APEX2: variants seen among roughly 807,000 people sequenced by gnomAD.
The protein encoded by APEX2 is DNA-(apurinic or apyrimidinic site) endonuclease 2.
Under a neutral mutation model 16.7 loss-of-function variants are expected in APEX2, and 4 were observed. The ratio of observed to expected loss-of-function variants is 0.24; its 90% CI spans 0.12 to 0.55. APEX2 has a LOEUF of 0.55. Among genes scored for constraint, APEX2 ranks in the 20% least tolerant of loss-of-function variants. The probability of loss-of-function intolerance (pLI) is 0.94; values close to 1 mark genes in which losing one functional copy is unlikely to be tolerated. For synonymous variants in APEX2, 181 were observed against 166.9 expected (o/e 1.08, Z -0.65); for missense variants, 357 against 433.6 (o/e 0.82, Z 1.57).
Position 55,003,081 on chromosome X carries a change from G to A in APEX2, c.542G>A (p.Arg181Gln). The part of the protein sequence containing the change: ...KMRFYRLLQI[R>Q]AEALLAAGSH... ...CGCTTCTATCGTTTGCTGCAAATCCGAGCAGAAGCCCTCCTGGCGGCAGGC... is the reference window on the plus strand; with the variant it reads ...CGCTTCTATCGTTTGCTGCAAATCCAAGCAGAAGCCCTCCTGGCGGCAGGC... Residue 181 changes from arginine (R) to glutamine (Q), a missense_variant, in exon 4 of 6, where the codon CGA becomes CAA. Coordinates refer to ENST00000374987, the MANE Select transcript of APEX2 (RefSeq NM_014481.4). 1 of 1,211,996 alleles carries A rather than the reference G, an allele frequency of 8.3e-7. No individual in the cohort carries two copies. Among genetic ancestry groups the A allele is most frequent in the East Asian group, 3.0e-5 (1 of 33,846 alleles).
At chrX:55,006,140 G>A (rs779063256) in intron 5 of APEX2, among the ~76,000 whole-genome samples, 28 of 107,302 alleles carry the variant, frequency 2.6e-4, no homozygotes, top group Admixed American at 9.3e-4. Flanking sequence ...GGAAGAAGCT[G>A]ACAGTCTTCC....
chrX:55,005,764 A>G (rs28382692), intron 5 of APEX2, among the ~76,000 whole-genome samples: 1 of 110,347 alleles, frequency 9.1e-6, no homozygotes, highest in Non-Finnish European at 1.9e-5. Flanking sequence ...CCACAGGCCC[A>G]GCACAGAGAC....
intron 1 of APEX2, 70 bp downstream of exon 1, chrX:55,000,649 G>A: frequency 9.2e-7 from 1 of 1,082,586 alleles, no homozygotes; most frequent in Admixed American, 3.3e-5. Flanking sequence ...CCTGTCCCAT[G>A]TAATTTTACT....
At chrX:55,002,186 TG>T in intron 2 of APEX2, 64 bp from the exon 3 acceptor site, 1 of 1,020,967 alleles carries the variant, frequency 9.8e-7, no homozygotes, top group Non-Finnish European at 1.3e-6. Context: ...ACAATTGGAG[TG>T]GGACAGGCTG....
chrX:55,008,476 CAGG>C lies in APEX2; in HGVS notation c.*1044_*1046del, dbSNP rs1357856776. 19 of 110,011 alleles carry C rather than the reference CAGG, an allele frequency of 1.7e-4. No homozygotes were observed. Among genetic ancestry groups the C allele is most frequent in the African/African-American group, 6.3e-4 (19 of 30,113 alleles). 9.1% of individuals were successfully genotyped at this position (110,011 alleles called of 1,213,427 possible). ...ATCCAAGCTACTTAGGAGGCTGAGA[CAGG>C]AGAATAGCTTGTACCTGGGAGGCGG... On this transcript the variant is annotated 3_prime_UTR_variant, in exon 6 of 6. Coordinates refer to ENST00000374987, the MANE Select transcript of APEX2 (RefSeq NM_014481.4).
Position 55,007,311 on chromosome X carries a change from T to C in APEX2, c.1433T>C (p.Met478Thr). 8.3e-7 allele frequency: 1 copy of C among 1,211,622 alleles called. No homozygotes were observed. Among genetic ancestry groups the C allele is most frequent in the South Asian group, 1.8e-5 (1 of 56,931 alleles). The stretch of plus-strand genomic sequence containing the variant: ...GGGGGCCACAGGGAGCCATGTGTGA[T>C]GCGTACTGTGAAGAAGCCAGGACCC... ...LCGGHREPCVMRTVKKPGPNL... is the reference protein window; with the variant it reads ...LCGGHREPCVTRTVKKPGPNL... The change falls in exon 6 of 6, where the codon ATG (methionine) becomes ACG (threonine). Residue 478 changes from methionine to threonine, a missense_variant. Coordinates refer to ENST00000374987, the MANE Select transcript of APEX2 (RefSeq NM_014481.4).
intron 1 of APEX2, among the ~76,000 whole-genome samples, chrX:55,001,286 C>T (rs1188400013): frequency 9.1e-6 from 1 of 110,434 alleles, no homozygotes; most frequent in Non-Finnish European, 1.9e-5. Context: ...CTGATTCTTT[C>T]CCCTTCCCAC....
intron 3 of APEX2, among the ~76,000 whole-genome samples, chrX:55,002,632 A>G (rs938138913): frequency 1.6e-4 from 18 of 111,795 alleles, no homozygotes; most frequent in Non-Finnish European, 2.6e-4. Context: ...TTCCATCTCT[A>G]CAATGTGGGG....
At position 55,003,127 on chromosome X, in the gene APEX2, G is replaced by A; in HGVS notation, c.569+19G>A. On this transcript the variant is annotated intron_variant, in intron 4 of 5. Coordinates refer to ENST00000374987, the MANE Select transcript of APEX2 (RefSeq NM_014481.4). ...CAGGCAGGTACTGCAAGCCTGGGCA[G>A]TAAGGCTTCCTTGAGTTGGTCCTGG... 8.3e-7 allele frequency: 1 copy of A among 1,208,636 alleles called. No individual in the cohort carries two copies. The highest frequency in any genetic ancestry group is 1.1e-6 in the Non-Finnish European group (1 of 893,752).
chrX:55,007,400 C>T lies in APEX2; in HGVS notation c.1522C>T (p.Arg508Trp), dbSNP rs1431275706. The change falls in exon 6 of 6, where the codon CGG (arginine) becomes TGG (tryptophan). Residue 508 changes from arginine to tryptophan, a missense_variant. Coordinates refer to ENST00000374987, the MANE Select transcript of APEX2 (RefSeq NM_014481.4). ...PRGPPTDPSS[R>W]CNFFLWSRPS is the part of the protein sequence containing the mutation. ...GGGTCCTCCCACTGACCCCTCCTCC[C>T]GGTGCAACTTCTTCCTCTGGAGCAG... The T allele has an allele frequency of 8.5e-6, 10 of 1,176,813 alleles. No individual in the cohort carries two copies. Among genetic ancestry groups the T allele is most frequent in the South Asian group, 3.9e-5 (2 of 51,056 alleles).
In APEX2 at chrX:55,007,340, T is replaced by G. The variant is rs762393472; in HGVS notation, c.1462T>G (p.Leu488Val). 14 of 1,206,861 alleles carry G rather than the reference T, an allele frequency of 1.2e-5. No homozygotes were observed. Among genetic ancestry groups the G allele is most frequent in the Non-Finnish European group, 1.5e-5 (13 of 892,263 alleles). Reference sequence around the variant, plus strand: ...TACTGTGAAGAAGCCAGGACCCAACTTGGGCCGCCGCTTCTACATGTGTGC... The same window carrying G: ...TACTGTGAAGAAGCCAGGACCCAACGTGGGCCGCCGCTTCTACATGTGTGC... ...MRTVKKPGPN[L>V]GRRFYMCARP... The change falls in exon 6 of 6, where the codon TTG becomes GTG. Residue 488 changes from leucine (L) to valine (V), a missense_variant. Physicochemically the swap from Leu to Val is conservative, Grantham distance 32. Transcript: ENST00000374987.
At position 55,007,468 on chromosome X, in the gene APEX2, C is replaced by T. The variant is rs747457409; in HGVS notation, c.*33C>T. ...GAGGCCTGGGGACATCTGGCATGGT[C>T]ACCCCTGCACATGATCTGAGGCCAG... On this transcript the variant is annotated 3_prime_UTR_variant, in exon 6 of 6. Transcript: ENST00000374987. The T allele has an allele frequency of 2.8e-5, 31 of 1,105,982 alleles. No homozygotes were observed. Among genetic ancestry groups the T allele is most frequent in the Non-Finnish European group, 3.7e-5 (31 of 840,809 alleles). 91.1% of individuals were successfully genotyped at this position (1,105,982 alleles called of 1,213,427 possible).
Position 55,007,137 on chromosome X carries a change from C to T in APEX2, c.1259C>T (p.Ala420Val), listed in dbSNP as rs752987294. The change falls in exon 6 of 6, where the codon GCC becomes GTC. Residue 420 changes from alanine to valine, a missense_variant. Ala to Val is a moderately conservative substitution (Grantham distance 64). Transcript: ENST00000374987. ...IELPSLPLMS[A>V]LMTPKTPEEK... ...CTGCCTAGCCTACCACTGATGAGCGCCCTCATGACCCCGAAGACTCCAGAA... is the reference window on the plus strand; with the variant it reads ...CTGCCTAGCCTACCACTGATGAGCGTCCTCATGACCCCGAAGACTCCAGAA... The T allele has an allele frequency of 3.3e-6, 4 of 1,211,680 alleles. No homozygotes were observed. The highest frequency in any genetic ancestry group is 4.5e-6 in the Non-Finnish European group (4 of 895,525).
Position 55,003,800 on chromosome X carries a change from C to T in APEX2, c.571C>T (p.His191Tyr). 1 of 1,209,928 alleles carries T rather than the reference C, an allele frequency of 8.3e-7. No homozygotes were observed. Among genetic ancestry groups the T allele is most frequent in the Non-Finnish European group, 1.1e-6 (1 of 894,065 alleles). Residue 191 changes from histidine (H) to tyrosine (Y), a missense_variant and splice_region_variant, in exon 5 of 6, where the codon CAT (histidine) becomes TAT (tyrosine). His to Tyr is a moderately conservative substitution (Grantham distance 83, BLOSUM62 2). Transcript: ENST00000374987. ...ACAATCCCACATTGTGTTTTTCAGC[C>T]ATGTGATCATTCTGGGTGACCTGAA... ...RAEALLAAGS[H>Y]VIILGDLNTA...
At chrX:55,003,285 C>T (rs1935467545) in intron 4 of APEX2, among the ~76,000 whole-genome samples, 177 bp downstream of exon 4, 1 of 112,910 alleles carries the variant, frequency 8.9e-6, no homozygotes, top group African/African-American at 3.2e-5. Context: ...GGGTTTTGTA[C>T]TCTGAGCACC....
rs758500844 is a variant in APEX2, at chrX:55,007,374, G to A, written c.1496G>A (p.Arg499Gln). The A allele has an allele frequency of 3.4e-6, 4 of 1,191,088 alleles. No individual in the cohort carries two copies. The highest frequency in any genetic ancestry group is 3.7e-5 in the South Asian group (2 of 53,477). The change falls in exon 6 of 6, where the codon CGG becomes CAG. Residue 499 changes from arginine to glutamine, a missense_variant. Transcript: ENST00000374987. ...CGCTTCTACATGTGTGCCAGGCCCC[G>A]GGGTCCTCCCACTGACCCCTCCTCC... ...GRRFYMCARP[R>Q]GPPTDPSSRC...
rs192992600 is a variant in APEX2 at position 55,003,842 on chromosome X, A to G, written c.613A>G (p.Ile205Val). 66 of 1,209,927 alleles carry G rather than the reference A, an allele frequency of 5.5e-5. No individual in the cohort carries two copies. The highest frequency in any genetic ancestry group is 2.2e-6 in the Non-Finnish European group (2 of 895,102). Reference protein sequence around the residue: ...LGDLNTAHRPIDHWDAVNLEC... With the variant: ...LGDLNTAHRPVDHWDAVNLEC... Reference sequence around the variant, plus strand: ...TGACCTGAATACAGCCCACCGCCCCATTGACCACTGGGATGCAGTCAACCT... The same window carrying G: ...TGACCTGAATACAGCCCACCGCCCCGTTGACCACTGGGATGCAGTCAACCT... The change falls in exon 5 of 6, where the codon ATT (isoleucine) becomes GTT (valine). Residue 205 changes from isoleucine (I) to valine (V), a missense_variant. Physicochemically the swap from Ile to Val is conservative, Grantham distance 29. Transcript: ENST00000374987.
intron 5 of APEX2, among the ~76,000 whole-genome samples, chrX:55,005,160 A>AT (rs1935485672): frequency 8.9e-6 from 1 of 111,961 alleles, no homozygotes; most frequent in Admixed American, 9.4e-5. Context: ...GAATGAGAGA[A>AT]TGGTGGTGGT....
intron 5 of APEX2, among the ~76,000 whole-genome samples, chrX:55,004,894 C>T (rs1004036133): frequency 9.9e-5 from 11 of 111,503 alleles, no homozygotes; most frequent in African/African-American, 3.6e-4. Context: ...GGTAGTGGCA[C>T]GTTCTAAAAG....
Sources: allele counts gnomAD v4.1 joint callset (sites outside exome capture counted in the v4.1 genomes callset), GRCh38; gene constraint gnomAD v4.1.1; transcripts MANE v1.5; gene names NCBI Gene and HGNC (gene_info 2026-07-23, HGNC 2026-07-21).